Variants in GRK3 observed in about 807,000 individuals in gnomAD.
GRK3 encodes the protein G protein-coupled receptor kinase 3, also known as adrenergic, beta, receptor kinase 2.
In GRK3, 54 loss-of-function variants were observed where a neutral mutation model predicts 95.7. That is an observed-to-expected ratio of 0.56 (90% confidence interval 0.45 to 0.71). The LOEUF (loss-of-function observed/expected upper bound fraction) is 0.71. Among genes scored for constraint, GRK3 ranks in the 30% least tolerant of loss-of-function variants. The pLI, the probability that GRK3 is intolerant of heterozygous loss-of-function variation, is 0.00. For missense variants in GRK3, 649 were observed against 851.2 expected (o/e 0.76, Z 2.96); for synonymous variants, 281 against 290.8 (o/e 0.97, Z 0.34).
intron 3 of GRK3, chr22:25,648,873 A>C: frequency 1.1e-6 from 1 of 928,738 alleles, no homozygotes; most frequent in Non-Finnish European, 1.8e-6. Context: ...AATTGAAGAC[A>C]ATGAATACAC....
rs566838397 is a variant in GRK3 at position 25,594,106 on chromosome 22, A to G, written c.114-10271A>G. On this transcript the variant is annotated intron_variant, in intron 1 of 20. Coordinates refer to ENST00000324198, the MANE Select transcript of GRK3 (RefSeq NM_005160.4). ...TTGGGCTCTTTTTTTATTCCATATT[A>G]ATCTTAGAATAGTTTTTACCCATCC... Among the ~76,000 whole-genome samples the G allele has an allele frequency of 5.3e-5, 8 of 152,226 alleles. No homozygotes were observed. The East Asian group carries it at 1.5e-3, about 29-fold the overall frequency.
rs770531658 is a variant in GRK3 at position 25,565,080 on chromosome 22, C to T, written c.40C>T (p.Leu14=). 1.8e-5 allele frequency: 27 copies of T among 1,542,190 alleles called. No homozygotes were observed. The highest frequency in any genetic ancestry group is 2.2e-5 in the Non-Finnish European group (25 of 1,148,176). Residue 14 remains leucine, a synonymous_variant, in exon 1 of 21, where the codon CTG becomes TTG. Coordinates refer to ENST00000324198, the MANE Select transcript of GRK3 (RefSeq NM_005160.4). The part of the protein sequence containing the change: ...LEAVLADVSY[L]MAMEKSKATP... The stretch of plus-strand genomic sequence containing the variant: ...GGCTGTGCTGGCCGATGTCAGTTAC[C>T]TGATGGCCATGGAGAAGAGCAAGGC...
chr22:25,650,475 C>T (rs149942121), intron 3 of GRK3, among the ~76,000 whole-genome samples: 211 of 152,224 alleles, frequency 1.4e-3, no homozygotes, highest in African/African-American at 4.8e-3. Flanking sequence ...GCTAATATGT[C>T]CTTATGGTGA....
At chr22:25,616,063 G>A (rs1489673377) in intron 2 of GRK3, among the ~76,000 whole-genome samples, 1 of 151,090 alleles carries the variant, frequency 6.6e-6, no homozygotes. Flanking sequence ...TGAGGCCCTT[G>A]TGAGGGTTTC....
intron 12 of GRK3, among the ~76,000 whole-genome samples, chr22:25,691,824 G>T (rs1001728453): frequency 6.6e-6 from 1 of 152,084 alleles, no homozygotes; most frequent in African/African-American, 2.4e-5. Context: ...TCTGAACGGT[G>T]GGCTGTTCTT....
At chr22:25,675,397 C>T (rs2085020219) in intron 8 of GRK3, among the ~76,000 whole-genome samples, 1 of 152,074 alleles carries the variant, frequency 6.6e-6, no homozygotes, top group Admixed American at 6.6e-5. Flanking sequence ...CTAACTGCAT[C>T]TGAGCTGGGT....
At chr22:25,623,526 A>T (rs1006086698) in intron 2 of GRK3, among the ~76,000 whole-genome samples, 1 of 152,162 alleles carries the variant, frequency 6.6e-6, no homozygotes, top group African/African-American at 2.4e-5. Context: ...ATAATGAGTG[A>T]TTGTTTCTAG....
At chr22:25,698,341 G>A (rs1289404432) in intron 13 of GRK3, among the ~76,000 whole-genome samples, 1 of 152,204 alleles carries the variant, frequency 6.6e-6, no homozygotes, top group Non-Finnish European at 1.5e-5. Context: ...TTGAGGGATA[G>A]GCAGTCTAGG....
intron 11 of GRK3, among the ~76,000 whole-genome samples, chr22:25,688,235 CAA>C (rs35383882): frequency 4.7e-4 from 30 of 63,448 alleles, no homozygotes; most frequent in Middle Eastern, 7.9e-3. Flanking sequence ...GACTCTGTCT[CAA>C]AAAAAAAAAA....
At chr22:25,579,600 G>A (rs752922228) in intron 1 of GRK3, among the ~76,000 whole-genome samples, 1 of 151,778 alleles carries the variant, frequency 6.6e-6, no homozygotes, top group Non-Finnish European at 1.5e-5. Context: ...AGCCTCCTGA[G>A]TAGCTGGGAC....
chr22:25,574,014 G>A (rs1435357166), intron 1 of GRK3, among the ~76,000 whole-genome samples: 1 of 152,170 alleles, frequency 6.6e-6, no homozygotes, highest in East Asian at 1.9e-4. Context: ...GGGGAAGACA[G>A]CAAGTTTCTT....
At chr22:25,717,763 G>A (rs1228119207) in intron 18 of GRK3, among the ~76,000 whole-genome samples, 1 of 152,158 alleles carries the variant, frequency 6.6e-6, no homozygotes, top group East Asian at 1.9e-4. Context: ...TTAAGCTGAG[G>A]AAGGAACCAT....
intron 2 of GRK3, among the ~76,000 whole-genome samples, chr22:25,644,330 A>G (rs2084765225): frequency 6.6e-6 from 1 of 151,958 alleles, no homozygotes; most frequent in African/African-American, 2.4e-5. Context: ...GTCGTATCAT[A>G]CTTTTGTGGA....
intron 3 of GRK3, among the ~76,000 whole-genome samples, chr22:25,659,353 A>G (rs896223487): frequency 2.6e-5 from 4 of 152,196 alleles, no homozygotes. Context: ...CCATCTCACT[A>G]CAATGGTGGT....
intron 3 of GRK3, among the ~76,000 whole-genome samples, chr22:25,655,658 A>G (rs1010246985): frequency 2.6e-5 from 4 of 152,130 alleles, no homozygotes; most frequent in South Asian, 2.1e-4. Flanking sequence ...TCTAGGTGCA[A>G]CGGTGCCTCT....
intron 2 of GRK3, among the ~76,000 whole-genome samples, chr22:25,623,525 G>A (rs1006056165): frequency 6.6e-6 from 1 of 152,178 alleles, no homozygotes; most frequent in African/African-American, 2.4e-5. Flanking sequence ...CATAATGAGT[G>A]ATTGTTTCTA....
chr22:25,718,877 A>G (rs992591981), intron 19 of GRK3, among the ~76,000 whole-genome samples: 3 of 152,226 alleles, frequency 2.0e-5, no homozygotes, highest in East Asian at 3.9e-4. Flanking sequence ...GAGAGAAAAT[A>G]TGCGGGAAAA....
chr22:25,678,992 T>C (rs1175601498), intron 9 of GRK3, 77 bp downstream of exon 9: 1 of 996,530 alleles, frequency 1.0e-6, no homozygotes, highest in African/African-American at 1.6e-5. Context: ...TATTTTTCCT[T>C]CTAGCTGATT....
chr22:25,592,046 C>G (rs897862490), intron 1 of GRK3, among the ~76,000 whole-genome samples: 3 of 152,186 alleles, frequency 2.0e-5, no homozygotes, highest in Non-Finnish European at 2.9e-5. Context: ...TAACTTTACT[C>G]TCTAAGAAGC....
Sources: gnomAD v4.1 joint callset for allele counts (sites outside exome capture counted in the v4.1 genomes callset) on GRCh38, gnomAD v4.1.1 for gene constraint, MANE v1.5 for transcripts, NCBI Gene and HGNC (gene_info 2026-07-23, HGNC 2026-07-21) for gene names.